Variants in CRIM1 observed in about 807,000 individuals in gnomAD.
CRIM1 encodes cysteine rich transmembrane BMP regulator 1.
CRIM1 carries 32 observed loss-of-function variants against 116.4 expected under a neutral mutation model. The observed-to-expected ratio is 0.27, with a 90% CI of 0.21 to 0.37. The LOEUF (loss-of-function observed/expected upper bound fraction) is 0.37, where lower values mean the gene tolerates loss of function less well. Ranked by LOEUF, CRIM1 falls within the 10% of genes least tolerant of loss-of-function variation. The pLI is 1.00. For synonymous variants in CRIM1, 590 were observed against 509.2 expected (o/e 1.16, Z -2.13); for missense variants, 1,331 against 1,354.8 (o/e 0.98, Z 0.28).
At position 36,550,682 on chromosome 2, in the gene CRIM1, G is replaced by A. The variant is rs9295; in HGVS notation, c.*1981G>A. The A allele has an allele frequency of 0.27, 40,607 of 152,102 alleles. 5,620 individuals carry two copies. Among genetic ancestry groups the A allele is most frequent in the Middle Eastern group, 0.4 (116 of 292 alleles). The allele number at this position is 152,102 out of a possible 1,614,324, so 9.4% of individuals were successfully genotyped here. A position where few individuals can be genotyped will look rare whatever the true frequency, so the allele number is the denominator to read the frequency against. ...AGGAAAAAAAGATTTATTATCAAGG[G>A]GCAATATTTTTATCTTTTCCAAAAT... On this transcript the variant is annotated 3_prime_UTR_variant, in exon 17 of 17. Transcript: ENST00000280527.
chr2:36,376,475 G>T (rs907831251), intron 1 of CRIM1, among the ~76,000 whole-genome samples: 1 of 152,184 alleles, frequency 6.6e-6, no homozygotes, highest in Admixed American at 6.5e-5. Context: ...TCGCATGAGC[G>T]GGAGGAGGAG....
chr2:36,387,319 T>C (rs1572616234), intron 1 of CRIM1, among the ~76,000 whole-genome samples: 1 of 152,244 alleles, frequency 6.6e-6, no homozygotes, highest in Admixed American at 6.5e-5. Flanking sequence ...AAATACTTTT[T>C]TCCTCAACCA....
chr2:36,455,497 A>G (rs984688872), intron 4 of CRIM1, among the ~76,000 whole-genome samples: 9 of 152,240 alleles, frequency 5.9e-5, no homozygotes, highest in African/African-American at 2.2e-4. Flanking sequence ...CTAAGCGGCC[A>G]GAACTTGAAC....
At chr2:36,398,984 G>A (rs950630228) in intron 2 of CRIM1, among the ~76,000 whole-genome samples, 2 of 152,276 alleles carry the variant, frequency 1.3e-5, no homozygotes, top group Non-Finnish European at 2.9e-5. Flanking sequence ...TAGACTGAAC[G>A]ATTTAGAATA....
intron 2 of CRIM1, among the ~76,000 whole-genome samples, chr2:36,406,986 A>G (rs1672857514): frequency 6.6e-6 from 1 of 152,108 alleles, no homozygotes; most frequent in Non-Finnish European, 1.5e-5. Context: ...GAGGATCTGG[A>G]ATTCCCTTCC....
In CRIM1 at chr2:36,543,074, C is replaced by A. The variant is rs148721409; in HGVS notation, c.2624-1302C>A. Among the ~76,000 whole-genome samples the A allele has an allele frequency of 2.8e-4, 42 of 152,218 alleles. 1 individual carries two copies. The highest frequency in any genetic ancestry group is 9.9e-4 in the African/African-American group (41 of 41,546). ...GTAGAAACTATAATTGTTCCCAGTT[C>A]TTTTTATGTTTAAAGGTTTTATAAT... On this transcript the variant is annotated intron_variant, in intron 14 of 16. Transcript: ENST00000280527.
At chr2:36,388,903 G>A (rs1406435696) in intron 1 of CRIM1, among the ~76,000 whole-genome samples, 2 of 152,200 alleles carry the variant, frequency 1.3e-5, no homozygotes, top group African/African-American at 2.4e-5. Context: ...TATTGGATCA[G>A]TACTGCTTGT....
intron 2 of CRIM1, among the ~76,000 whole-genome samples, chr2:36,398,867 C>CTTAATAAATAGTCACGTCG (rs1408692399): frequency 1.3e-5 from 2 of 152,144 alleles, no homozygotes; most frequent in African/African-American, 2.4e-5. Flanking sequence ...TGAAATCATA[C>CTTAATAAATAGTCACGTCG]TTAATAAATA....
chr2:36,542,712 A>G (rs1177656184), intron 14 of CRIM1, among the ~76,000 whole-genome samples: 1 of 152,228 alleles, frequency 6.6e-6, no homozygotes, highest in African/African-American at 2.4e-5. Flanking sequence ...GGGGAGGGGC[A>G]GAAGGGTGTG....
At chr2:36,459,020 C>G (rs951361130) in intron 4 of CRIM1, among the ~76,000 whole-genome samples, 24 of 152,142 alleles carry the variant, frequency 1.6e-4, no homozygotes, top group Admixed American at 1.3e-4. Flanking sequence ...TGTAAGTGAT[C>G]TAAAACAAGT....
intron 2 of CRIM1, among the ~76,000 whole-genome samples, chr2:36,426,524 G>T (rs575911997): frequency 6.6e-6 from 1 of 152,224 alleles, no homozygotes; most frequent in East Asian, 1.9e-4. Context: ...CTTGAATAGG[G>T]AAGATAGTGA....
rs112880774 is a variant in CRIM1, at chr2:36,525,756, A to C, written c.2428+3443A>C. Among the ~76,000 whole-genome samples the C allele has an allele frequency of 2.9e-3, 447 of 152,302 alleles. 1 individual carries two copies. The highest frequency in any genetic ancestry group is 2.9e-3 in the Non-Finnish European group (196 of 68,028). ...CCATGGATGAATGTTCTCCCTAATT[A>C]GTCAAATACAGATCTCTAAAAACCT... On this transcript the variant is annotated intron_variant, in intron 13 of 16. Transcript: ENST00000280527.
intron 11 of CRIM1, 48 bp from the exon 12 acceptor site, chr2:36,517,279 G>A (rs1438310603): frequency 1.8e-5 from 27 of 1,504,238 alleles, no homozygotes; most frequent in Non-Finnish European, 2.4e-5. Context: ...TCAAGAGTTG[G>A]AAAGATTGCA....
rs75723981 is a variant in CRIM1 at position 36,526,053 on chromosome 2, A to G, written c.2428+3740A>G. Among the ~76,000 whole-genome samples, 373 of 152,322 alleles carry G rather than the reference A, an allele frequency of 2.4e-3. 2 individuals are homozygous for G. The highest frequency in any genetic ancestry group is 8.7e-3 in the African/African-American group (361 of 41,576). On this transcript the variant is annotated intron_variant, in intron 13 of 16. Transcript: ENST00000280527. ...ACATAATTAATAGGATTGATGATTA[A>G]TTTTGAAAAGTGAACAGCTTTGTCT...
chr2:36,356,667 G>GC lies in CRIM1; in HGVS notation c.331+49dup. On this transcript the variant is annotated intron_variant, in intron 1 of 16. Transcript: ENST00000280527. This position sits in a 1 kb window ranked among gnomAD's most constrained non-coding sequence, Gnocchi z 4.3. ...GGCCCCCTCCCACCTGGCCTGCGCCGCCCCCTCGGCGCTGGTTGTGCCGAA... is the reference window on the plus strand; with the variant it reads ...GGCCCCCTCCCACCTGGCCTGCGCCGCCCCCCTCGGCGCTGGTTGTGCCGAA... 6.5e-7 allele frequency: 1 copy of GC among 1,548,762 alleles called. No individual in the cohort carries two copies. The highest frequency in any genetic ancestry group is 8.7e-7 in the Non-Finnish European group (1 of 1,145,738).
chr2:36,477,661 G>A (rs1205595842), intron 6 of CRIM1, among the ~76,000 whole-genome samples: 1 of 152,208 alleles, frequency 6.6e-6, no homozygotes, highest in Non-Finnish European at 1.5e-5. Flanking sequence ...TGACTCTCAG[G>A]AATCTGCTTT....
intron 8 of CRIM1, 45 bp downstream of exon 8, chr2:36,499,392 A>G (rs371409342): frequency 4.5e-6 from 7 of 1,565,456 alleles, no homozygotes; most frequent in Non-Finnish European, 5.3e-6. Context: ...GCCTAATATG[A>G]TATTGTCAAA....
rs749504843 is a variant in CRIM1 at position 36,464,610 on chromosome 2, G to A, written c.946G>A (p.Asp316Asn). 6.2e-6 allele frequency: 10 copies of A among 1,614,030 alleles called. No individual in the cohort carries two copies. The highest frequency in any genetic ancestry group is 2.2e-5 in the East Asian group (1 of 44,888). Residue 316 changes from aspartate (D) to asparagine (N), a missense_variant, in exon 5 of 17, where the codon GAT (aspartate) becomes AAT (asparagine). This residue lies in a region of CRIM1 where 690 missense variants were observed against 676.0 expected (regional missense o/e 1.02). Coordinates refer to ENST00000280527, the MANE Select transcript of CRIM1 (RefSeq NM_016441.3). ...CACTCCCCGCATAGTCTCTCGTGGC[G>A]ATGGGACACCTGGAAAGTGCTGTGA... is the stretch of plus-strand genomic sequence containing the variant. The part of the protein sequence containing the change: ...GSTPRIVSRG[D>N]GTPGKCCDVF...
chr2:36,386,413 T>G (rs6711707), intron 1 of CRIM1, among the ~76,000 whole-genome samples: 115,384 of 152,086 alleles, frequency 0.76, 44,966 homozygotes, highest in East Asian at 0.99. Flanking sequence ...GAGGTTAAAA[T>G]AAAACTTGCG....
Sources: allele counts gnomAD v4.1 joint callset (sites outside exome capture counted in the v4.1 genomes callset), GRCh38; gene constraint gnomAD v4.1.1; regional missense constraint gnomAD v4.1.1; non-coding constraint Gnocchi (gnomAD v3.1); transcripts MANE v1.5; gene names NCBI Gene and HGNC (gene_info 2026-07-23, HGNC 2026-07-21).